TYW1: variants seen among roughly 807,000 people sequenced by gnomAD.
TYW1 encodes tRNA-yW synthesizing protein 1 homolog.
Under a neutral mutation model 96.2 loss-of-function variants are expected in TYW1, and 46 were observed. The ratio of observed to expected loss-of-function variants is 0.48; its 90% CI spans 0.38 to 0.61. The LOEUF is 0.61. TYW1 is among the 20% of genes least tolerant of loss of function. The probability of loss-of-function intolerance (pLI) is 0.00; values close to 1 mark genes in which losing one functional copy is unlikely to be tolerated. For missense variants in TYW1, 684 were observed against 909.6 expected (o/e 0.75, Z 3.19); for synonymous variants, 274 against 323.0 (o/e 0.85, Z 1.63).
intron 12 of TYW1, among the ~76,000 whole-genome samples, chr7:67,101,077 G>A (rs996086448): frequency 1.3e-5 from 2 of 152,032 alleles, no homozygotes; most frequent in African/African-American, 4.8e-5. Flanking sequence ...AGGGAGAGGT[G>A]GTGTGTGTCT....
intron 12 of TYW1, among the ~76,000 whole-genome samples, chr7:67,115,062 T>C (rs1021435961): frequency 6.6e-6 from 1 of 152,094 alleles, no homozygotes; most frequent in African/African-American, 2.4e-5. Flanking sequence ...TCCTATTTTG[T>C]AAATGATAGA....
chr7:67,037,207 G>A (rs111248426), intron 7 of TYW1, among the ~76,000 whole-genome samples: 15,834 of 152,072 alleles, frequency 0.1, 888 homozygotes, highest in Middle Eastern at 0.15. Flanking sequence ...GGCTCACCAT[G>A]AGTAACAAAG....
chr7:67,010,339 G>A (rs1220820614), intron 4 of TYW1, among the ~76,000 whole-genome samples: 2 of 151,414 alleles, frequency 1.3e-5, no homozygotes, highest in African/African-American at 4.9e-5. Flanking sequence ...ATAGAGACAG[G>A]CTCTCACTCT....
At chr7:67,188,733 G>A (rs1800106757) in intron 14 of TYW1, among the ~76,000 whole-genome samples, 1 of 152,032 alleles carries the variant, frequency 6.6e-6, no homozygotes, top group Admixed American at 6.6e-5. Context: ...AAATGGCCTT[G>A]GAATTCAAAT....
At chr7:67,102,366 A>G (rs1269401651) in intron 12 of TYW1, among the ~76,000 whole-genome samples, 1 of 152,140 alleles carries the variant, frequency 6.6e-6, no homozygotes, top group Non-Finnish European at 1.5e-5. Context: ...CTGCAGAGGG[A>G]TTGTGGAATA....
Position 66,998,954 on chromosome 7 carries a change from G to C in TYW1, c.273G>C (p.Lys91Asn). The C allele has an allele frequency of 6.2e-7, 1 of 1,613,228 alleles. No homozygotes were observed. Among genetic ancestry groups the C allele is most frequent in the East Asian group, 2.2e-5 (1 of 44,844 alleles). ...ATGGTTCTCAGACTGGAACAGCGAA[G>C]GTAAGAAATTTATATGATGCTTTTC... ...IFYGSQTGTA[K>N]GFATVLAEAV... Residue 91 changes from lysine to asparagine, a missense_variant and splice_region_variant, in exon 3 of 16, where the codon AAG becomes AAC. Transcript: ENST00000359626.
At position 67,078,198 on chromosome 7, in the gene TYW1, T is replaced by C. The variant is rs13241110; in HGVS notation, c.1275-5232T>C. The stretch of plus-strand genomic sequence containing the variant: ...GCAACATCCACCTGCCCGGTTCAAG[T>C]GATTCTCCTGCCTCAGCCTCCCGAG... On this transcript the variant is annotated intron_variant, in intron 10 of 15. Coordinates refer to ENST00000359626, the MANE Select transcript of TYW1 (RefSeq NM_018264.4). Among the ~76,000 whole-genome samples, 3 of 151,960 alleles carry C rather than the reference T, an allele frequency of 2.0e-5. No homozygotes were observed. The East Asian group carries it at 5.8e-4, about 29-fold the overall frequency.
chr7:67,183,286 G>A lies in TYW1; in HGVS notation c.1809+50G>A, dbSNP rs532740931. Reference sequence around the variant, plus strand: ...CTGTGGTGGAGTGACAAAGAATCGTGGTGCTTCGTTGGCCATCGTGGAGTT... The same window carrying A: ...CTGTGGTGGAGTGACAAAGAATCGTAGTGCTTCGTTGGCCATCGTGGAGTT... On this transcript the variant is annotated intron_variant, in intron 14 of 15. Transcript: ENST00000359626. 19 of 1,536,000 alleles carry A rather than the reference G, an allele frequency of 1.2e-5. No homozygotes were observed. In the South Asian group the frequency reaches 1.8e-4, roughly 15 times the overall value.
chr7:67,024,221 G>A (rs1794372698), intron 6 of TYW1, among the ~76,000 whole-genome samples: 1 of 151,938 alleles, frequency 6.6e-6, no homozygotes, highest in African/African-American at 2.4e-5. Context: ...TAGAGATGAG[G>A]GTTTCACTAT....
chr7:67,179,996 G>A (rs1478546444), intron 13 of TYW1, among the ~76,000 whole-genome samples: 1 of 128,448 alleles, frequency 7.8e-6, no homozygotes, highest in Non-Finnish European at 1.6e-5. Context: ...ATGCCCAGCT[G>A]TTGTATTTTT....
intron 3 of TYW1, among the ~76,000 whole-genome samples, chr7:67,005,678 C>G (rs1793554119): frequency 2.0e-5 from 3 of 152,204 alleles, no homozygotes; most frequent in Admixed American, 2.0e-4. Context: ...TGATTCAGTA[C>G]CACTTGGCCC....
At chr7:67,213,277 C>T (rs59520849) in intron 15 of TYW1, among the ~76,000 whole-genome samples, 18,964 of 152,110 alleles carry the variant, frequency 0.12, 1,455 homozygotes, top group East Asian at 0.25. Context: ...AGGGGATCCT[C>T]CCACCTCACT....
Position 67,053,081 on chromosome 7 carries a change from C to CT in TYW1, c.1103-2734dup, listed in dbSNP as rs35579526. ...AAACACTCTTATAAACAGTTTTAAG[C>CT]TTTTTTTTTTTTTTTTTTTTCCTGG... On this transcript the variant is annotated intron_variant, in intron 8 of 15. Coordinates refer to ENST00000359626, the MANE Select transcript of TYW1 (RefSeq NM_018264.4). Among the ~76,000 whole-genome samples the CT allele has an allele frequency of 2.9e-3, 374 of 129,748 alleles. 2 individuals carry two copies. The highest frequency in any genetic ancestry group is 0.011 in the South Asian group (44 of 4,120). 85.1% of individuals were successfully genotyped at this position (129,748 alleles called of 152,430 possible).
chr7:67,220,565 TGTTGTTGAATCTA>T (rs1044813338), intron 15 of TYW1, among the ~76,000 whole-genome samples: 1 of 152,152 alleles, frequency 6.6e-6, no homozygotes, highest in African/African-American at 2.4e-5. Context: ...ATGATATCTA[TGTTGTTGAATCTA>T]GGCCTAATTG....
chr7:67,171,832 T>C (rs1376080989), intron 13 of TYW1, among the ~76,000 whole-genome samples: 1 of 152,142 alleles, frequency 6.6e-6, no homozygotes, highest in African/African-American at 2.4e-5. Flanking sequence ...TTTTTGTTTT[T>C]ATTTTCAACC....
chr7:67,228,950 CT>C (rs1406682014), intron 15 of TYW1, among the ~76,000 whole-genome samples: 1 of 152,188 alleles, frequency 6.6e-6, no homozygotes, highest in Non-Finnish European at 1.5e-5. Flanking sequence ...AACCTCTTGC[CT>C]GTAACTGTTA....
chr7:67,067,245 G>A (rs1456615281), intron 9 of TYW1, 40 bp from the exon 10 acceptor site: 4 of 1,601,902 alleles, frequency 2.5e-6, no homozygotes, highest in Non-Finnish European at 3.4e-6. Flanking sequence ...TCTGTGCTTT[G>A]ACAATTTTAT....
At chr7:67,065,774 G>A (rs1364789092) in intron 9 of TYW1, among the ~76,000 whole-genome samples, 1 of 151,942 alleles carries the variant, frequency 6.6e-6, no homozygotes, top group Non-Finnish European at 1.5e-5. Context: ...ACTTTGGGAG[G>A]TCGAGGTGGG....
intron 13 of TYW1, among the ~76,000 whole-genome samples, chr7:67,140,385 A>G (rs929157131): frequency 1.3e-5 from 2 of 151,942 alleles, no homozygotes; most frequent in Non-Finnish European, 2.9e-5. Context: ...AAAAAAAAAA[A>G]GACTTTTTAA....
Sources: allele counts gnomAD v4.1 joint callset (sites outside exome capture counted in the v4.1 genomes callset), GRCh38; gene constraint gnomAD v4.1.1; transcripts MANE v1.5; gene names NCBI Gene and HGNC (gene_info 2026-07-23, HGNC 2026-07-21).